Variants in RBFOX1 observed in about 807,000 individuals in gnomAD.
The protein encoded by RBFOX1 is RNA binding fox-1 homolog 1, also known as RNA binding protein fox-1 homolog 1.
In RBFOX1, 8 loss-of-function variants were observed where a neutral mutation model predicts 57.7. That is an observed-to-expected ratio of 0.14 (90% CI 0.08 to 0.25). The LOEUF is 0.25. Ranked by LOEUF, RBFOX1 falls within the 10% of genes least tolerant of loss-of-function variation. The probability of loss-of-function intolerance (pLI) is 1.00; values close to 1 mark genes in which losing one functional copy is unlikely to be tolerated. For missense variants in RBFOX1, 611 were observed against 548.5 expected (o/e 1.11, Z -1.14); for synonymous variants, 326 against 222.4 (o/e 1.47, Z -4.15).
At chr16:6,793,604 G>T (rs2083378795) in intron 3 of RBFOX1, among the ~76,000 whole-genome samples, 1 of 152,096 alleles carries the variant, frequency 6.6e-6, no homozygotes. Context: ...TTCTTCACAA[G>T]AGCAAACTGA....
chr16:7,210,460 CTACTT>C (rs146769012), intron 4 of RBFOX1, among the ~76,000 whole-genome samples: 2,198 of 152,256 alleles, frequency 0.014, 65 homozygotes, highest in African/African-American at 0.05. Context: ...TTAAGACAAT[CTACTT>C]TACTTAAAGA....
chr16:6,538,898 G>C (rs1599234206), intron 2 of RBFOX1, among the ~76,000 whole-genome samples: 3 of 152,152 alleles, frequency 2.0e-5, no homozygotes, highest in African/African-American at 7.2e-5. Context: ...CCTCTTTCCA[G>C]TGATTTTACC....
At chr16:7,226,122 T>A (rs1033946188) in intron 4 of RBFOX1, among the ~76,000 whole-genome samples, 1 of 152,080 alleles carries the variant, frequency 6.6e-6, no homozygotes, top group East Asian at 1.9e-4. Context: ...CACTTTGTCT[T>A]GACCAGGAGA....
chr16:6,071,034 G>A (rs1184023997), intron 1 of RBFOX1, among the ~76,000 whole-genome samples: 1 of 152,140 alleles, frequency 6.6e-6, no homozygotes, highest in African/African-American at 2.4e-5. Context: ...CATGCTAAAT[G>A]GAAATTGGCT....
At chr16:7,260,142 G>A (rs1202487234) in intron 4 of RBFOX1, among the ~76,000 whole-genome samples, 3 of 152,142 alleles carry the variant, frequency 2.0e-5, no homozygotes, top group African/African-American at 7.2e-5. Flanking sequence ...AGGAGATAAT[G>A]AATAACACTT....
intron 1 of RBFOX1, among the ~76,000 whole-genome samples, chr16:6,142,255 T>C (rs1312767651): frequency 7.6e-6 from 1 of 131,856 alleles, no homozygotes; most frequent in Non-Finnish European, 1.6e-5. Context: ...GGAGTCTTGC[T>C]CTGTCACCCA....
intron 2 of RBFOX1, among the ~76,000 whole-genome samples, chr16:6,640,344 C>T (rs1394013734): frequency 1.3e-5 from 2 of 152,040 alleles, no homozygotes; most frequent in Admixed American, 6.6e-5. Flanking sequence ...CATAGTGGCT[C>T]ACATCTGTAA....
At chr16:6,536,239 C>T (rs535620710) in intron 2 of RBFOX1, among the ~76,000 whole-genome samples, 94 of 152,320 alleles carry the variant, frequency 6.2e-4, no homozygotes, top group African/African-American at 2.1e-3. Context: ...CCTTGGACTT[C>T]AGATAAATCT....
At chr16:6,847,628 A>G (rs1249314838) in intron 3 of RBFOX1, among the ~76,000 whole-genome samples, 2 of 152,268 alleles carry the variant, frequency 1.3e-5, no homozygotes, top group African/African-American at 4.8e-5. Flanking sequence ...GAAGAATGGA[A>G]GAATTGCTGC....
At chr16:7,025,683 T>C (rs2153682518) in intron 3 of RBFOX1, among the ~76,000 whole-genome samples, 1 of 152,216 alleles carries the variant, frequency 6.6e-6, no homozygotes, top group East Asian at 1.9e-4. Flanking sequence ...GGAGAAGGCC[T>C]GGCCTGGCCT....
chr16:7,414,864 TCCTTCAG>T, intron 4 of RBFOX1, among the ~76,000 whole-genome samples: 1 of 152,308 alleles, frequency 6.6e-6, no homozygotes, highest in African/African-American at 2.4e-5. Context: ...GTGATCCGTT[TCCTTCAG>T]CCTTCTAAAA....
intron 3 of RBFOX1, among the ~76,000 whole-genome samples, chr16:5,674,600 A>G (rs1300011852): frequency 6.6e-6 from 1 of 152,230 alleles, no homozygotes; most frequent in African/African-American, 2.4e-5. Context: ...GAAGCATCTC[A>G]TAGAACATAG....
chr16:6,173,205 C>T (rs374853442), intron 1 of RBFOX1, among the ~76,000 whole-genome samples: 2 of 152,094 alleles, frequency 1.3e-5, no homozygotes, highest in Admixed American at 1.3e-4. Context: ...ATTACAGCGG[C>T]GTGGACACTT....
At chr16:6,914,633 G>A (rs2153440322) in intron 3 of RBFOX1, among the ~76,000 whole-genome samples, 1 of 152,234 alleles carries the variant, frequency 6.6e-6, no homozygotes, top group African/African-American at 2.4e-5. Flanking sequence ...CAGCACTTTG[G>A]GAGGCTGAGG....
At chr16:6,174,409 A>C (rs1440298068) in intron 1 of RBFOX1, among the ~76,000 whole-genome samples, 1 of 152,178 alleles carries the variant, frequency 6.6e-6, no homozygotes, top group Non-Finnish European at 1.5e-5. Flanking sequence ...AGCCTGGCCA[A>C]CATGGCAAAA....
At chr16:7,356,251 G>C (rs995728041) in intron 4 of RBFOX1, among the ~76,000 whole-genome samples, 3 of 152,220 alleles carry the variant, frequency 2.0e-5, no homozygotes, top group Non-Finnish European at 4.4e-5. Context: ...ACGGGACTTA[G>C]ATTCTAATGG....
chr16:5,482,161 C>G (rs769973785), intron 2 of RBFOX1, among the ~76,000 whole-genome samples: 13 of 152,178 alleles, frequency 8.5e-5, no homozygotes, highest in Non-Finnish European at 1.6e-4. Context: ...GCTTTTTTCA[C>G]TCTCTTTCAA....
intron 4 of RBFOX1, among the ~76,000 whole-genome samples, chr16:7,218,164 C>T (rs555464830): frequency 1.6e-4 from 25 of 152,184 alleles, no homozygotes; most frequent in African/African-American, 5.8e-4. Context: ...TCTTTCTAAC[C>T]CTATGATCCT....
intron 1 of RBFOX1, among the ~76,000 whole-genome samples, chr16:6,256,215 A>ATATGTGTT (rs2097663821): frequency 2.9e-5 from 3 of 105,148 alleles, no homozygotes; most frequent in Non-Finnish European, 5.4e-5. Context: ...ATATGTGTAT[A>ATATGTGTT]TATATGTATA....
Sources: allele counts gnomAD v4.1 joint callset (sites outside exome capture counted in the v4.1 genomes callset), GRCh38; gene constraint gnomAD v4.1.1; transcripts MANE v1.5; gene names NCBI Gene and HGNC (gene_info 2026-07-23, HGNC 2026-07-21).